PLCH1: variants seen among roughly 807,000 people sequenced by gnomAD.
The protein encoded by PLCH1 is phospholipase C eta 1.
A neutral mutation model predicts 126.7 loss-of-function variants in PLCH1; 60 were observed. The observed-to-expected ratio is 0.47, with a 90% confidence interval of 0.38 to 0.59. The LOEUF (loss-of-function observed/expected upper bound fraction) is 0.59. Among genes scored for constraint, PLCH1 ranks in the 20% least tolerant of loss-of-function variants. PLCH1 has a pLI of 0.00. For synonymous variants in PLCH1, 719 were observed against 734.9 expected, an observed-to-expected ratio of 0.98 and a Z score of 0.35; for missense variants, 1,723 against 2,040.0, an observed-to-expected ratio of 0.84 and a Z score of 2.99.
chr3:155,656,576 G>T (rs1741401683), intron 2 of PLCH1, among the ~76,000 whole-genome samples: 1 of 151,940 alleles, frequency 6.6e-6, no homozygotes, highest in African/African-American at 2.4e-5. Context: ...ATACTAAAAG[G>T]GCTTTCAAAT....
At chr3:155,472,153 A>T (rs1243874574) in intron 21 of PLCH1, among the ~76,000 whole-genome samples, 3 of 152,154 alleles carry the variant, frequency 2.0e-5, no homozygotes, top group Non-Finnish European at 4.4e-5. Context: ...GTTTTTTGAA[A>T]GGATCAACAA....
chr3:155,472,497 G>A (rs1383523914), intron 21 of PLCH1, among the ~76,000 whole-genome samples: 3 of 150,776 alleles, frequency 2.0e-5, no homozygotes, highest in Non-Finnish European at 4.5e-5. Flanking sequence ...TCTACCAGAG[G>A]TACAAGGAGG....
chr3:155,579,758 T>C (rs1188210128), intron 6 of PLCH1, among the ~76,000 whole-genome samples: 1 of 152,222 alleles, frequency 6.6e-6, no homozygotes, highest in Non-Finnish European at 1.5e-5. Context: ...AGTGTGGTGC[T>C]AGTGGTTGGT....
In PLCH1 at chr3:155,735,633, CAA is replaced by C. The variant is rs200682543; in HGVS notation, c.-41+9205_-41+9206del. Among the ~76,000 whole-genome samples the C allele has an allele frequency of 8.0e-3, 653 of 81,352 alleles. 20 individuals are homozygous for C. Among genetic ancestry groups the C allele is most frequent in the Admixed American group, 0.061 (435 of 7,158 alleles). The allele number at this position is 81,352 out of a possible 152,430, so 53.4% of individuals were successfully genotyped here. On this transcript the variant is annotated intron_variant, in intron 1 of 22. Coordinates refer to ENST00000460012, the MANE Select transcript of PLCH1 (RefSeq NM_014996.4). Reference sequence around the variant, plus strand: ...TGGGTGACAGAGCGAGACTCCATCTCAAAAAAAAAAAAAAAACTGATAAGGGT... The same window carrying C: ...TGGGTGACAGAGCGAGACTCCATCTCAAAAAAAAAAAAAACTGATAAGGGT...
chr3:155,630,803 A>C (rs569057813), intron 2 of PLCH1, among the ~76,000 whole-genome samples: 48 of 152,366 alleles, frequency 3.2e-4, no homozygotes, highest in Middle Eastern at 3.4e-3. Flanking sequence ...CTGTTTTCCA[A>C]TAAACAAGTA....
chr3:155,728,076 A>G (rs1194207979), intron 1 of PLCH1, among the ~76,000 whole-genome samples: 2 of 152,188 alleles, frequency 1.3e-5, no homozygotes, highest in African/African-American at 4.8e-5. Context: ...ATCCAGCTTC[A>G]GTGCTCAACT....
At chr3:155,711,554 C>G (rs537600207) in intron 1 of PLCH1, among the ~76,000 whole-genome samples, 9 of 152,276 alleles carry the variant, frequency 5.9e-5, no homozygotes, top group African/African-American at 2.2e-4. Flanking sequence ...TTAAAGCTCC[C>G]TTTAAGAAAA....
In PLCH1 at chr3:155,506,519, C is replaced by G. The variant is rs1333165415; in HGVS notation, c.1633-1893G>C. Among the ~76,000 whole-genome samples the G allele has an allele frequency of 1.3e-4, 14 of 110,926 alleles. No individual in the cohort carries two copies. The Admixed American group carries it at 1.3e-3, about 10-fold the overall frequency. The allele number at this position is 110,926 out of a possible 152,430, so 72.8% of individuals were successfully genotyped here. A position where few individuals can be genotyped will look rare whatever the true frequency, so the allele number is the denominator to read the frequency against. Reference sequence around the variant, plus strand: ...CCTCCCCCCTCCCCCCACCCCACCACAGTCCCCAGAGTGTGATATTCCCCT... The same window carrying G: ...CCTCCCCCCTCCCCCCACCCCACCAGAGTCCCCAGAGTGTGATATTCCCCT... On this transcript the variant is annotated intron_variant, in intron 12 of 22. Transcript: ENST00000460012.
chr3:155,605,622 A>C (rs1734258385), intron 2 of PLCH1, among the ~76,000 whole-genome samples: 1 of 152,230 alleles, frequency 6.6e-6, no homozygotes. Flanking sequence ...TGCCTGCTCT[A>C]GGCTCCTTCT....
chr3:155,667,620 G>A (rs1301428058), intron 2 of PLCH1, among the ~76,000 whole-genome samples: 1 of 151,986 alleles, frequency 6.6e-6, no homozygotes, highest in African/African-American at 2.4e-5. Flanking sequence ...AAAACTGATT[G>A]GCTCAACTGA....
chr3:155,699,536 A>G (rs765717495), intron 2 of PLCH1, among the ~76,000 whole-genome samples: 1 of 152,200 alleles, frequency 6.6e-6, no homozygotes, highest in East Asian at 1.9e-4. Context: ...CTACTCTAAC[A>G]TAAAATCTAG....
chr3:155,637,405 A>G (rs1738864958), intron 2 of PLCH1, among the ~76,000 whole-genome samples: 1 of 152,210 alleles, frequency 6.6e-6, no homozygotes, highest in South Asian at 2.1e-4. Context: ...TTATTAGAAA[A>G]ACATGGTAGG....
At chr3:155,686,988 T>C (rs1282035059) in intron 2 of PLCH1, among the ~76,000 whole-genome samples, 1 of 152,190 alleles carries the variant, frequency 6.6e-6, no homozygotes, top group Non-Finnish European at 1.5e-5. Context: ...AAATAATCTG[T>C]ACACATAAGG....
chr3:155,734,026 T>C (rs1748973330), intron 1 of PLCH1, among the ~76,000 whole-genome samples: 1 of 141,396 alleles, frequency 7.1e-6, no homozygotes, highest in African/African-American at 2.6e-5. Context: ...AAAATCACAA[T>C]GAGATTTCAC....
intron 2 of PLCH1, among the ~76,000 whole-genome samples, chr3:155,597,368 TAA>T (rs1309038234): frequency 2.0e-5 from 3 of 152,230 alleles, no homozygotes; most frequent in Non-Finnish European, 4.4e-5. Flanking sequence ...TTATTCTTCC[TAA>T]GACTGACAAA....
At chr3:155,537,222 A>AAAACAAAAC (rs1723539490) in intron 10 of PLCH1, among the ~76,000 whole-genome samples, 1 of 11,446 alleles carries the variant, frequency 8.7e-5, no homozygotes, top group African/African-American at 1.4e-4. Flanking sequence ...AAAAAAAAAA[A>AAAACAAAAC]AAAAAAAAAA....
At chr3:155,542,165 T>A (rs1381257557) in intron 10 of PLCH1, among the ~76,000 whole-genome samples, 2 of 152,052 alleles carry the variant, frequency 1.3e-5, no homozygotes, top group African/African-American at 4.8e-5. Context: ...ACCTGGAAAA[T>A]CGGGTCACTC....
chr3:155,714,135 C>T (rs779808696), intron 1 of PLCH1, among the ~76,000 whole-genome samples: 2 of 152,146 alleles, frequency 1.3e-5, no homozygotes, highest in Non-Finnish European at 2.9e-5. Context: ...TCTGACATAA[C>T]GTATGTTTGG....
chr3:155,557,989 T>C (rs1662044928), intron 8 of PLCH1, among the ~76,000 whole-genome samples: 1 of 152,170 alleles, frequency 6.6e-6, no homozygotes, highest in South Asian at 2.1e-4. Context: ...ATCAAGCGAA[T>C]AAAAGGCCAT....
Sources: gnomAD v4.1 joint callset for allele counts (sites outside exome capture counted in the v4.1 genomes callset) on GRCh38, gnomAD v4.1.1 for gene constraint, MANE v1.5 for transcripts, NCBI Gene and HGNC (gene_info 2026-07-23, HGNC 2026-07-21) for gene names.